The following TMEM163 variants were observed in gnomAD, a reference collection of about 807,000 sequenced individuals.
TMEM163 encodes the protein transmembrane protein 163.
Under a neutral mutation model 29.3 loss-of-function variants are expected in TMEM163, and 17 were observed. The ratio of observed to expected loss-of-function variants is 0.58; its 90% CI spans 0.40 to 0.87. The LOEUF is 0.87. TMEM163 is among the 40% of genes least tolerant of loss of function. The probability of loss-of-function intolerance (pLI) is 0.00; values close to 1 mark genes in which losing one functional copy is unlikely to be tolerated. For missense variants in TMEM163, 303 were observed against 381.5 expected (o/e 0.79, Z 1.71); for synonymous variants, 157 against 160.6 (o/e 0.98, Z 0.17).
chr2:134,610,677 A>C (rs932089498), intron 2 of TMEM163, among the ~76,000 whole-genome samples: 4 of 152,198 alleles, frequency 2.6e-5, no homozygotes, highest in African/African-American at 9.7e-5. Flanking sequence ...AGTCACCTGG[A>C]GATTTCTGTA....
chr2:134,464,516 AC>A, intron 6 of TMEM163, among the ~76,000 whole-genome samples: 1 of 151,870 alleles, frequency 6.6e-6, no homozygotes, highest in Non-Finnish European at 1.5e-5. Flanking sequence ...AGGTCCTGTA[AC>A]CCCCAACATC....
intron 4 of TMEM163, among the ~76,000 whole-genome samples, chr2:134,521,003 CTTT>C (rs56291030): frequency 2.7e-5 from 4 of 146,446 alleles, no homozygotes; most frequent in East Asian, 2.1e-4. Flanking sequence ...GCCTTGGGAA[CTTT>C]TTTTTTTTTT....
chr2:134,475,872 A>G (rs1215888037), intron 5 of TMEM163, among the ~76,000 whole-genome samples: 2 of 152,254 alleles, frequency 1.3e-5, no homozygotes, highest in Non-Finnish European at 2.9e-5. Flanking sequence ...TGGAACTCTC[A>G]TATGTTGCTG....
intron 2 of TMEM163, among the ~76,000 whole-genome samples, chr2:134,660,986 G>C (rs1271067471): frequency 6.6e-6 from 1 of 152,210 alleles, no homozygotes; most frequent in African/African-American, 2.4e-5. Context: ...TTTATGAGGC[G>C]TTTCGGTCAT....
At chr2:134,502,831 C>T in intron 5 of TMEM163, 70 bp downstream of exon 5, 1 of 1,415,018 alleles carries the variant, frequency 7.1e-7, no homozygotes, top group Admixed American at 1.9e-5. Context: ...CCCGGGAACC[C>T]TGCGATAAGA....
At chr2:134,599,783 T>G (rs1319195257) in intron 2 of TMEM163, among the ~76,000 whole-genome samples, 2 of 151,414 alleles carry the variant, frequency 1.3e-5, no homozygotes, top group East Asian at 1.9e-4. Flanking sequence ...TCCACCCACC[T>G]TGGCCTCCCA....
At chr2:134,606,672 T>C (rs1558962216) in intron 2 of TMEM163, among the ~76,000 whole-genome samples, 1 of 152,124 alleles carries the variant, frequency 6.6e-6, no homozygotes, top group Non-Finnish European at 1.5e-5. Flanking sequence ...AGCACAGGGC[T>C]GTGGCAACCG....
At chr2:134,554,971 G>C (rs1480448445) in intron 2 of TMEM163, among the ~76,000 whole-genome samples, 1 of 152,188 alleles carries the variant, frequency 6.6e-6, no homozygotes, top group Non-Finnish European at 1.5e-5. Flanking sequence ...GAGATGGAAA[G>C]GGAGAAATGC....
chr2:134,532,348 C>G (rs1680434567), intron 4 of TMEM163, among the ~76,000 whole-genome samples: 3 of 152,218 alleles, frequency 2.0e-5, no homozygotes. Context: ...GAGATTCCTT[C>G]CAAACATCTC....
Position 134,473,111 on chromosome 2 carries a change from T to A in TMEM163, c.556-6886A>T, listed in dbSNP as rs189458677. Among the ~76,000 whole-genome samples, 385 of 152,316 alleles carry A rather than the reference T, an allele frequency of 2.5e-3. 1 individual carries two copies. The highest frequency in any genetic ancestry group is 8.7e-3 in the African/African-American group (361 of 41,572). On this transcript the variant is annotated intron_variant, in intron 5 of 7. Coordinates refer to ENST00000281924, the MANE Select transcript of TMEM163 (RefSeq NM_030923.5). ...AGCTAAGAGGAAAATTTATAGTAAATAATGTACTTAAAAATGTTTAAAAGG... is the reference window on the plus strand; with the variant it reads ...AGCTAAGAGGAAAATTTATAGTAAAAAATGTACTTAAAAATGTTTAAAAGG...
In TMEM163 at chr2:134,481,385, G is replaced by T. The variant is rs1042580474; in HGVS notation, c.556-15160C>A. Among the ~76,000 whole-genome samples, 31 of 151,512 alleles carry T rather than the reference G, an allele frequency of 2.0e-4. No individual in the cohort carries two copies. The East Asian group carries it at 3.5e-3, about 17-fold the overall frequency. The stretch of plus-strand genomic sequence containing the variant: ...GGGAGGTAATTGAATCATGGGGGGG[G>T]GGGGAGCTTTTCCTGTGCTATTCTC... On this transcript the variant is annotated intron_variant, in intron 5 of 7. Coordinates refer to ENST00000281924, the MANE Select transcript of TMEM163 (RefSeq NM_030923.5).
In TMEM163 at chr2:134,693,378, G is replaced by A. The variant is rs540040219; in HGVS notation, c.322+19822C>T. ...TCCCAGCACTTTGGCAGGCCAAGGC[G>A]GGTGGATCACCTGAGGTCAGGAGTT... On this transcript the variant is annotated intron_variant, in intron 2 of 7. Transcript: ENST00000281924. Among the ~76,000 whole-genome samples, 6 of 152,212 alleles carry A rather than the reference G, an allele frequency of 3.9e-5. No individual in the cohort carries two copies. The East Asian group carries it at 1.2e-3, about 29-fold the overall frequency.
At chr2:134,712,110 A>T (rs973519328) in intron 2 of TMEM163, among the ~76,000 whole-genome samples, 3 of 152,234 alleles carry the variant, frequency 2.0e-5, no homozygotes, top group African/African-American at 4.8e-5. Flanking sequence ...TATACTCTGG[A>T]ATGCATTGCC....
In TMEM163 at chr2:134,550,610, T is replaced by C; in HGVS notation, c.418A>G (p.Ser140Gly). ...LSSAIVLWRY[S>G]NAAAVHSAHR... The stretch of plus-strand genomic sequence containing the variant: ...GCAGAGTGCACAGCGGCCGCGTTGC[T>C]GTAACGCCACAGGACAATCGCCGAT... Residue 140 changes from serine to glycine, a missense_variant, in exon 4 of 8, where the codon AGC (serine) becomes GGC (glycine). Ser to Gly is a moderately conservative substitution (Grantham distance 56, BLOSUM62 0). Around this residue, in one of 2 missense-constraint regions of TMEM163, gnomAD observed 203 missense variants for 294.3 expected, o/e 0.69. Transcript: ENST00000281924. The C allele has an allele frequency of 2.5e-6, 4 of 1,614,184 alleles. No homozygotes were observed. The highest frequency in any genetic ancestry group is 1.3e-5 in the African/African-American group (1 of 75,046).
At chr2:134,539,355 A>G (rs991922659) in intron 4 of TMEM163, among the ~76,000 whole-genome samples, 2 of 152,342 alleles carry the variant, frequency 1.3e-5, no homozygotes, top group African/African-American at 4.8e-5. Context: ...TGGACACCCG[A>G]GGAAGGCGAC....
chr2:134,500,760 C>A (rs563077937), intron 5 of TMEM163, among the ~76,000 whole-genome samples: 3 of 151,586 alleles, frequency 2.0e-5, no homozygotes, highest in Non-Finnish European at 4.4e-5. Context: ...CACTCATGTG[C>A]GAATTAGAAA....
intron 2 of TMEM163, among the ~76,000 whole-genome samples, chr2:134,639,378 T>C (rs748555240): frequency 4.6e-5 from 7 of 152,248 alleles, no homozygotes; most frequent in Non-Finnish European, 7.3e-5. Flanking sequence ...CTCATCATCA[T>C]GACTGCTGAG....
chr2:134,463,423 G>A (rs114765041), intron 6 of TMEM163, among the ~76,000 whole-genome samples: 62 of 152,290 alleles, frequency 4.1e-4, no homozygotes, highest in Non-Finnish European at 7.2e-4. Context: ...AATCCCAGTG[G>A]GTGAACTCCC....
intron 2 of TMEM163, among the ~76,000 whole-genome samples, chr2:134,574,844 G>A (rs1253067219): frequency 2.0e-5 from 3 of 152,218 alleles, no homozygotes; most frequent in Non-Finnish European, 2.9e-5. Context: ...TCCCAGGTGA[G>A]GGATAGAGTG....
Sources: gnomAD v4.1 joint callset for allele counts (sites outside exome capture counted in the v4.1 genomes callset) on GRCh38, gnomAD v4.1.1 for gene constraint, gnomAD v4.1.1 regional missense constraint, MANE v1.5 for transcripts, NCBI Gene and HGNC (gene_info 2026-07-23, HGNC 2026-07-21) for gene names.